ADGRD1: variants seen among roughly 807,000 people sequenced by gnomAD.
ADGRD1 encodes G-protein coupled receptor 133.
In ADGRD1, 77 loss-of-function variants were observed where a neutral mutation model predicts 113.4. The ratio of observed to expected loss-of-function variants is 0.68; its 90% CI spans 0.57 to 0.82. The LOEUF is 0.82. Ranked by LOEUF, ADGRD1 falls within the 40% of genes least tolerant of loss-of-function variation. The pLI is 0.00. For missense variants in ADGRD1, 1,036 were observed against 1,139.1 expected (o/e 0.91, Z 1.30); for synonymous variants, 474 against 475.0 (o/e 1.00, Z 0.03).
chr12:130,992,526 C>T, intron 8 of ADGRD1, 134 bp downstream of exon 8: 1 of 777,756 alleles, frequency 1.3e-6, no homozygotes, highest in Non-Finnish European at 2.1e-6. Flanking sequence ...TTTCAGGCTT[C>T]TCATGAACAA....
chr12:131,082,971 G>A (rs7303597), intron 14 of ADGRD1, among the ~76,000 whole-genome samples: 58,246 of 152,060 alleles, frequency 0.38, 12,269 homozygotes, highest in South Asian at 0.52. Flanking sequence ...CCTCCCTCGC[G>A]CTCCACGTCG....
In ADGRD1 at chr12:130,966,436, T is replaced by G. The variant is rs181621272; in HGVS notation, c.104-27T>G. On this transcript the variant is annotated intron_variant, in intron 2 of 24. Coordinates refer to ENST00000261654, the MANE Select transcript of ADGRD1 (RefSeq NM_198827.5). This position sits in a 1 kb window ranked among gnomAD's most constrained non-coding sequence, Gnocchi z 4.6. The stretch of plus-strand genomic sequence containing the variant: ...GGTTCTTTCCTCTCTAATGATGATT[T>G]AAAATTTTTATTCTTTTTTCCCCAA... 6.7e-7 allele frequency: 1 copy of G among 1,490,720 alleles called. No homozygotes were observed. The highest frequency in any genetic ancestry group is 1.7e-4 in the Middle Eastern group (1 of 5,862). 92.3% of individuals were successfully genotyped at this position (1,490,720 alleles called of 1,614,324 possible). A position where few individuals can be genotyped will look rare whatever the true frequency, so the allele number is the denominator to read the frequency against.
intron 15 of ADGRD1, among the ~76,000 whole-genome samples, chr12:131,101,817 G>A (rs1203583098): frequency 6.6e-6 from 1 of 152,198 alleles, no homozygotes; most frequent in Non-Finnish European, 1.5e-5. Context: ...AGAGATCAGT[G>A]TGAGAGACAA....
At position 130,956,197 on chromosome 12, in the gene ADGRD1, A is replaced by T. The variant is rs553105034; in HGVS notation, c.103+1537A>T. On this transcript the variant is annotated intron_variant, in intron 2 of 24. Transcript: ENST00000261654. The stretch of plus-strand genomic sequence containing the variant: ...GGAGAGCCCCTTTCCTGGATGGAGC[A>T]CCAGGAGCCTGCTGGGGTCTAGGGC... 2.6e-5 allele frequency among the ~76,000 whole-genome samples: 4 copies of T among 152,272 alleles called. No individual in the cohort carries two copies. The East Asian group carries it at 7.8e-4, about 30-fold the overall frequency.
intron 14 of ADGRD1, among the ~76,000 whole-genome samples, chr12:131,081,833 A>G (rs953954286): frequency 1.3e-5 from 2 of 152,186 alleles, no homozygotes; most frequent in African/African-American, 4.8e-5. Flanking sequence ...CAATAGATTC[A>G]GTTACCATTT....
chr12:131,039,881 T>C (rs1593099112), intron 13 of ADGRD1, among the ~76,000 whole-genome samples: 1 of 152,234 alleles, frequency 6.6e-6, no homozygotes, highest in African/African-American at 2.4e-5. Context: ...CCTTGGCAAA[T>C]AGAGGATCTG....
At chr12:130,958,942 G>A (rs1374086601) in intron 2 of ADGRD1, among the ~76,000 whole-genome samples, 3 of 152,224 alleles carry the variant, frequency 2.0e-5, no homozygotes, top group African/African-American at 4.8e-5. Flanking sequence ...CAGACCAAGC[G>A]ATTTGCTCAA....
intron 14 of ADGRD1, among the ~76,000 whole-genome samples, chr12:131,080,832 G>A (rs1238446363): frequency 1.3e-5 from 2 of 152,154 alleles, no homozygotes; most frequent in Non-Finnish European, 2.9e-5. Flanking sequence ...GTGTTAGCCA[G>A]GATGGTCTCG....
At chr12:131,129,087 C>T (rs1309681621) in intron 20 of ADGRD1, among the ~76,000 whole-genome samples, 9 of 123,318 alleles carry the variant, frequency 7.3e-5, no homozygotes, top group Admixed American at 7.9e-5. Context: ...GTGACAGCCC[C>T]GCCCTGCTGT....
chr12:131,053,780 T>C (rs914614345), intron 13 of ADGRD1, among the ~76,000 whole-genome samples: 2 of 152,180 alleles, frequency 1.3e-5, no homozygotes, highest in Non-Finnish European at 2.9e-5. Flanking sequence ...TGCTTGGGAA[T>C]GGGGTCACAT....
chr12:131,009,102 G>A (rs1877548201), intron 12 of ADGRD1, among the ~76,000 whole-genome samples: 1 of 152,226 alleles, frequency 6.6e-6, no homozygotes, highest in African/African-American at 2.4e-5. Context: ...GGTGCCTGGT[G>A]ATGGGGATGT....
chr12:131,062,032 GT>G (rs1235020343), intron 13 of ADGRD1, among the ~76,000 whole-genome samples: 1 of 152,036 alleles, frequency 6.6e-6, no homozygotes, highest in African/African-American at 2.4e-5. Flanking sequence ...TTTGTTTTTT[GT>G]TTTTTTTTTT....
chr12:131,004,040 T>TTG, intron 10 of ADGRD1, 146 bp from the exon 11 acceptor site: 2 of 548,586 alleles, frequency 3.6e-6, no homozygotes, highest in Non-Finnish European at 6.5e-6. Context: ...TTTTTTTTTT[T>TTG]GAGGCCATGC....
intron 11 of ADGRD1, 127 bp from the exon 12 acceptor site, chr12:131,005,845 T>G: frequency 1.4e-6 from 1 of 738,094 alleles, no homozygotes. Context: ...TGTCCTTCAC[T>G]TCCTTCTCCC....
At chr12:131,030,885 G>A (rs1880641658) in intron 13 of ADGRD1, 1 of 152,246 alleles carries the variant, frequency 6.6e-6, no homozygotes, top group Non-Finnish European at 1.5e-5. Flanking sequence ...GAGAGACACT[G>A]AGCCGCATCT....
intron 21 of ADGRD1, among the ~76,000 whole-genome samples, chr12:131,134,493 C>A (rs1203953093): frequency 6.6e-6 from 1 of 152,234 alleles, no homozygotes; most frequent in Non-Finnish European, 1.5e-5. Flanking sequence ...GTGATTGATC[C>A]TTTCAGATAC....
chr12:131,008,415 A>G (rs1877447866), intron 12 of ADGRD1, among the ~76,000 whole-genome samples: 1 of 152,182 alleles, frequency 6.6e-6, no homozygotes, highest in African/African-American at 2.4e-5. Flanking sequence ...GGATGAAAGG[A>G]TGCTTTGGTG....
chr12:131,022,563 G>T lies in ADGRD1; in HGVS notation c.1473+8223G>T. On this transcript the variant is annotated intron_variant, in intron 13 of 24. Transcript: ENST00000261654. This position sits in a 1 kb window ranked among gnomAD's most constrained non-coding sequence, Gnocchi z 4.6. Reference sequence around the variant, plus strand: ...ATTTCATCCCACAGGGCGCTGTCCGGCTCTATCATTACGGATTCTGTTGCT... The same window carrying T: ...ATTTCATCCCACAGGGCGCTGTCCGTCTCTATCATTACGGATTCTGTTGCT... Among the ~76,000 whole-genome samples the T allele has an allele frequency of 6.6e-6, 1 of 152,156 alleles. No individual in the cohort carries two copies. Among genetic ancestry groups the T allele is most frequent in the Non-Finnish European group, 1.5e-5 (1 of 68,028 alleles).
chr12:131,139,027 G>T, intron 24 of ADGRD1, 141 bp from the exon 25 acceptor site: 1 of 629,666 alleles, frequency 1.6e-6, no homozygotes, highest in South Asian at 2.0e-5. Context: ...AGGAGCATGG[G>T]GGCTCCCTTC....
Sources: allele counts gnomAD v4.1 joint callset (sites outside exome capture counted in the v4.1 genomes callset), GRCh38; gene constraint gnomAD v4.1.1; non-coding constraint Gnocchi (gnomAD v3.1); transcripts MANE v1.5; gene names NCBI Gene and HGNC (gene_info 2026-07-23, HGNC 2026-07-21).